CDH18: variants seen among roughly 807,000 people sequenced by gnomAD.
The protein encoded by CDH18 is cadherin-18.
CDH18 carries 31 observed loss-of-function variants against 67.9 expected under a neutral mutation model. The ratio of observed to expected loss-of-function variants is 0.46; its 90% CI spans 0.34 to 0.62. CDH18 has a LOEUF of 0.62. Among genes scored for constraint, CDH18 ranks in the 20% least tolerant of loss-of-function variants. CDH18 has a pLI of 0.01. For missense variants in CDH18, 890 were observed against 975.5 expected (o/e 0.91, Z 1.17); for synonymous variants, 362 against 347.2 (o/e 1.04, Z -0.48).
At chr5:20,414,287 T>C (rs1258011705) in intron 1 of CDH18, among the ~76,000 whole-genome samples, 1 of 152,018 alleles carries the variant, frequency 6.6e-6, no homozygotes, top group Non-Finnish European at 1.5e-5. Context: ...CAGGTGCTCA[T>C]AAAAAATAAT....
intron 6 of CDH18, among the ~76,000 whole-genome samples, chr5:19,596,318 T>G (rs1334032068): frequency 6.6e-6 from 1 of 152,176 alleles, no homozygotes; most frequent in Non-Finnish European, 1.5e-5. Context: ...AAAAGTCACA[T>G]CTATAATGGG....
At chr5:20,085,453 T>C (rs1744861166) in intron 2 of CDH18, among the ~76,000 whole-genome samples, 1 of 152,182 alleles carries the variant, frequency 6.6e-6, no homozygotes. Context: ...CTCCAAATTG[T>C]TCCAACATCT....
At chr5:20,561,286 A>T (rs1435614801) in intron 1 of CDH18, among the ~76,000 whole-genome samples, 3 of 152,136 alleles carry the variant, frequency 2.0e-5, no homozygotes, top group African/African-American at 7.2e-5. Context: ...ATTTACATAC[A>T]CACAAAACAC....
intron 11 of CDH18, among the ~76,000 whole-genome samples, chr5:19,484,144 T>A (rs1284974411): frequency 1.3e-5 from 2 of 152,214 alleles, no homozygotes; most frequent in African/African-American, 4.8e-5. Context: ...ATCATATTTT[T>A]AAAAATGTGT....
At chr5:20,219,717 T>A (rs1345636864) in intron 2 of CDH18, among the ~76,000 whole-genome samples, 3 of 151,756 alleles carry the variant, frequency 2.0e-5, no homozygotes, top group African/African-American at 7.3e-5. Context: ...ATGAACAGAA[T>A]GAAAAACAAA....
Position 19,586,907 on chromosome 5 carries a change from G to C in CDH18, c.999+4150C>G, listed in dbSNP as rs148412021. On this transcript the variant is annotated intron_variant, in intron 7 of 12. Transcript: ENST00000382275. The stretch of plus-strand genomic sequence containing the variant: ...TTTTTAATAAAAGCCATTCTGACTG[G>C]TGTGAGATGGTATCACATTGTGGTT... Among the ~76,000 whole-genome samples, 240 of 152,210 alleles carry C rather than the reference G, an allele frequency of 1.6e-3. 1 individual carries two copies. Among genetic ancestry groups the C allele is most frequent in the African/African-American group, 5.6e-3 (234 of 41,534 alleles).
At chr5:20,500,139 G>A (rs1366366996) in intron 1 of CDH18, among the ~76,000 whole-genome samples, 1 of 152,034 alleles carries the variant, frequency 6.6e-6, no homozygotes, top group Non-Finnish European at 1.5e-5. Context: ...TTTCTCTTAT[G>A]CCAAAAATAA....
At chr5:20,563,242 C>A (rs187030928) in intron 1 of CDH18, among the ~76,000 whole-genome samples, 1 of 151,876 alleles carries the variant, frequency 6.6e-6, no homozygotes, top group African/African-American at 2.4e-5. Context: ...TTGGTGTCAA[C>A]GGAAATGTTG....
intron 2 of CDH18, among the ~76,000 whole-genome samples, chr5:20,145,603 G>T (rs1328398181): frequency 1.3e-5 from 2 of 152,124 alleles, no homozygotes; most frequent in Admixed American, 6.6e-5. Context: ...ATCTAGACTG[G>T]TGTTTTACCA....
intron 10 of CDH18, among the ~76,000 whole-genome samples, chr5:19,507,962 A>T (rs1339194018): frequency 6.6e-6 from 1 of 152,008 alleles, no homozygotes; most frequent in Non-Finnish European, 1.5e-5. Flanking sequence ...GGATTTGATT[A>T]TCATGTCTTG....
intron 1 of CDH18, among the ~76,000 whole-genome samples, chr5:20,359,699 G>A (rs1048104921): frequency 4.6e-5 from 7 of 152,108 alleles, no homozygotes; most frequent in African/African-American, 1.7e-4. Flanking sequence ...GCCTGTTTTA[G>A]TAAACCACTA....
At chr5:19,666,717 T>G (rs1382230380) in intron 5 of CDH18, among the ~76,000 whole-genome samples, 1 of 152,102 alleles carries the variant, frequency 6.6e-6, no homozygotes, top group East Asian at 1.9e-4. Flanking sequence ...AAAGTGTTCT[T>G]CATCCAAAGA....
At chr5:19,529,586 CCATAT>C (rs1433978445) in intron 9 of CDH18, among the ~76,000 whole-genome samples, 1 of 151,820 alleles carries the variant, frequency 6.6e-6, no homozygotes, top group Non-Finnish European at 1.5e-5. Context: ...GAAGAAAATA[CCATAT>C]AATATACAAA....
intron 2 of CDH18, among the ~76,000 whole-genome samples, chr5:19,958,750 G>A (rs1796514278): frequency 6.6e-6 from 1 of 151,980 alleles, no homozygotes; most frequent in South Asian, 2.1e-4. Context: ...GTGTAACTTT[G>A]GAAAGTCTGG....
chr5:19,521,767 A>G (rs999402001), intron 9 of CDH18, among the ~76,000 whole-genome samples: 27 of 152,068 alleles, frequency 1.8e-4, no homozygotes, highest in Non-Finnish European at 3.4e-4. Context: ...GAGAAAATAA[A>G]TTTTTCAGTA....
intron 5 of CDH18, among the ~76,000 whole-genome samples, chr5:19,674,474 G>A (rs185444799): frequency 5.3e-5 from 8 of 151,552 alleles, no homozygotes; most frequent in South Asian, 2.1e-4. Context: ...TTTTTCCTTC[G>A]GATGGAGGTT....
intron 4 of CDH18, among the ~76,000 whole-genome samples, chr5:19,726,062 T>C (rs866963266): frequency 1.3e-5 from 2 of 152,194 alleles, no homozygotes; most frequent in Non-Finnish European, 2.9e-5. Flanking sequence ...TTTGCTGTAA[T>C]AGGCTAAATT....
intron 3 of CDH18, among the ~76,000 whole-genome samples, chr5:19,766,566 T>C (rs546420508): frequency 1.3e-5 from 2 of 152,270 alleles, no homozygotes; most frequent in South Asian, 2.1e-4. Flanking sequence ...ATTTCTGAAA[T>C]TGGAGTTTGA....
At chr5:20,322,328 T>G (rs926628727) in intron 1 of CDH18, among the ~76,000 whole-genome samples, 1 of 152,080 alleles carries the variant, frequency 6.6e-6, no homozygotes, top group African/African-American at 2.4e-5. Flanking sequence ...TAAAAGAGAA[T>G]GATAACTAAA....
Sources: gnomAD v4.1 joint callset for allele counts (sites outside exome capture counted in the v4.1 genomes callset) on GRCh38, gnomAD v4.1.1 for gene constraint, MANE v1.5 for transcripts, NCBI Gene and HGNC (gene_info 2026-07-23, HGNC 2026-07-21) for gene names.